The following UNC5A variants were observed in gnomAD, a reference collection of about 807,000 sequenced individuals.
UNC5A encodes the protein unc-5 netrin receptor A.
Under a neutral mutation model 87.4 loss-of-function variants are expected in UNC5A, and 20 were observed. That is an observed-to-expected ratio of 0.23 (90% CI 0.16 to 0.33). The LOEUF is 0.33. Among genes scored for constraint, UNC5A ranks in the 10% least tolerant of loss-of-function variants. The pLI is 1.00. For synonymous variants in UNC5A, 438 were observed against 482.3 expected (o/e 0.91, Z 1.20); for missense variants, 844 against 1,133.4 (o/e 0.74, Z 3.67).
chr5:176,867,915 G>T (rs1310268234), intron 2 of UNC5A, among the ~76,000 whole-genome samples: 1 of 151,870 alleles, frequency 6.6e-6, no homozygotes, highest in Non-Finnish European at 1.5e-5. Flanking sequence ...GCCTTCAGGA[G>T]ATAGAAATCA....
chr5:176,844,505 A>C lies in UNC5A; in HGVS notation c.71-18119A>C, dbSNP rs1757355270. Among the ~76,000 whole-genome samples the C allele has an allele frequency of 6.6e-6, 1 of 152,184 alleles. No individual in the cohort carries two copies. Among genetic ancestry groups the C allele is most frequent in the African/African-American group, 2.4e-5 (1 of 41,446 alleles). On this transcript the variant is annotated intron_variant, in intron 1 of 14. Transcript: ENST00000329542. This position sits in a 1 kb window ranked among gnomAD's most constrained non-coding sequence, Gnocchi z 4.2. ...AGCTGGCCGTGGGCGCCCACTGCAT[A>C]CAGCAGGTTGGTGAGGGAAGGTCTG...
In UNC5A at chr5:176,844,134, C is replaced by T. The variant is rs775327465; in HGVS notation, c.71-18490C>T. Among the ~76,000 whole-genome samples the T allele has an allele frequency of 2.0e-5, 3 of 152,166 alleles. No individual in the cohort carries two copies. The highest frequency in any genetic ancestry group is 2.9e-5 in the Non-Finnish European group (2 of 68,034). On this transcript the variant is annotated intron_variant, in intron 1 of 14. Transcript: ENST00000329542. The surrounding 1 kb of genome is among the most constrained non-coding windows in gnomAD (Gnocchi z 4.2). ...GGAGGGCTGGAGAGAGTTCAGCAAA[C>T]GGGGCTTTTTGAATAAAAGCTGTGA...
In UNC5A at chr5:176,865,404, A is replaced by T; in HGVS notation, c.292+2559A>T. 2.8e-6 allele frequency: 1 copy of T among 353,170 alleles called. No homozygotes were observed. Among genetic ancestry groups the T allele is most frequent in the South Asian group, 2.1e-5 (1 of 47,614 alleles). 21.9% of individuals were successfully genotyped at this position (353,170 alleles called of 1,614,324 possible). On this transcript the variant is annotated intron_variant, in intron 2 of 14. Transcript: ENST00000329542. This position sits in a 1 kb window ranked among gnomAD's most constrained non-coding sequence, Gnocchi z 5.3. The stretch of plus-strand genomic sequence containing the variant: ...CAGTCGCAGGCCCGGGCCGGCACAC[A>T]CACCGGGAGCCCCTGGCCCACACTC...
intron 1 of UNC5A, among the ~76,000 whole-genome samples, chr5:176,832,728 T>A (rs1003797577): frequency 3.3e-5 from 5 of 152,136 alleles, no homozygotes; most frequent in African/African-American, 1.2e-4. Context: ...TGCTGAAGAT[T>A]TTCAATCAGG....
At chr5:176,817,560 G>A (rs1756621326) in intron 1 of UNC5A, among the ~76,000 whole-genome samples, 4 of 148,868 alleles carry the variant, frequency 2.7e-5, no homozygotes, top group Admixed American at 6.7e-5. Flanking sequence ...TTCCAGCACC[G>A]CCCCCCACCC....
chr5:176,850,013 C>T (rs1296436268), intron 1 of UNC5A, among the ~76,000 whole-genome samples: 1 of 152,234 alleles, frequency 6.6e-6, no homozygotes, highest in Non-Finnish European at 1.5e-5. Context: ...CTGGAGGGTG[C>T]ACAGGCTGAC....
intron 1 of UNC5A, among the ~76,000 whole-genome samples, chr5:176,858,769 AGGAAG>A (rs1488390584): frequency 2.9e-5 from 4 of 136,426 alleles, no homozygotes; most frequent in Non-Finnish European, 6.3e-5. Context: ...GAAGGAAGGA[AGGAAG>A]GCAAGCAAGC....
chr5:176,826,434 G>A (rs692713), intron 1 of UNC5A, among the ~76,000 whole-genome samples: 112,561 of 152,186 alleles, frequency 0.74, 49,121 homozygotes, highest in Non-Finnish European at 0.95. Flanking sequence ...ACAGTAACTG[G>A]TAAAATGAGC....
intron 1 of UNC5A, among the ~76,000 whole-genome samples, chr5:176,859,964 A>AT (rs1169167685): frequency 1.3e-5 from 2 of 152,222 alleles, no homozygotes; most frequent in Non-Finnish European, 2.9e-5. Flanking sequence ...CAGTACATTT[A>AT]TTTTTCATTA....
Position 176,810,867 on chromosome 5 carries a change from C to T in UNC5A, c.70+47C>T, listed in dbSNP as rs1248294524. 2.5e-6 allele frequency: 3 copies of T among 1,208,714 alleles called. No homozygotes were observed. In the African/African-American group the frequency reaches 4.7e-5, roughly 19 times the overall value. The allele number at this position is 1,208,714 out of a possible 1,614,324, so 74.9% of individuals were successfully genotyped here. On this transcript the variant is annotated intron_variant, in intron 1 of 14. Transcript: ENST00000329542. The surrounding 1 kb of genome is among the most constrained non-coding windows in gnomAD (Gnocchi z 7.3). ...CTGGGGAGGCTTGCGGGGGACCGTG[C>T]GCGCGAACGCTCGCTGCTCTGGGGG...
chr5:176,826,636 C>CTTTTTTTTTTTTTTTTT (rs34466725), intron 1 of UNC5A, among the ~76,000 whole-genome samples: 1 of 72,744 alleles, frequency 1.4e-5, no homozygotes, highest in Admixed American at 1.9e-4. Flanking sequence ...AGTTTCCAAA[C>CTTTTTTTTTTTTTTTTT]TTTTTTTTTT....
intron 1 of UNC5A, among the ~76,000 whole-genome samples, chr5:176,858,198 C>T (rs1757713578): frequency 1.3e-5 from 2 of 152,206 alleles, no homozygotes; most frequent in South Asian, 2.1e-4. Flanking sequence ...GCCTGCTTCT[C>T]CTGTGACAAC....
intron 1 of UNC5A, among the ~76,000 whole-genome samples, chr5:176,832,799 G>A (rs1757060504): frequency 6.6e-6 from 1 of 152,158 alleles, no homozygotes; most frequent in African/African-American, 2.4e-5. Flanking sequence ...AAGCTGGTTG[G>A]GCAAGAGGGA....
chr5:176,877,608 C>T lies in UNC5A; in HGVS notation c.1540C>T (p.Arg514Trp), dbSNP rs749730825. The stretch of plus-strand genomic sequence containing the variant: ...TGGACCCCCTGGCGTCCTGCTCACC[C>T]GGCCAGTCATCCTGGCTATGGACCA... ...SCGPPGVLLT[R>W]PVILAMDHCG... The change falls in exon 10 of 15, where the codon CGG (arginine) becomes TGG (tryptophan). Residue 514 changes from arginine (R) to tryptophan (W), a missense_variant. Physicochemically the swap from Arg to Trp is moderately radical, Grantham distance 101. This residue lies in a region of UNC5A where 353 missense variants were observed against 387.5 expected (regional missense o/e 0.91). Coordinates refer to ENST00000329542, the MANE Select transcript of UNC5A (RefSeq NM_133369.3). 2.7e-5 allele frequency: 44 copies of T among 1,612,422 alleles called. No homozygotes were observed. Among genetic ancestry groups the T allele is most frequent in the Non-Finnish European group, 3.6e-5 (42 of 1,179,642 alleles).
intron 8 of UNC5A, among the ~76,000 whole-genome samples, chr5:176,876,727 TGG>T (rs934355674): frequency 1.3e-4 from 19 of 151,978 alleles, no homozygotes; most frequent in African/African-American, 4.6e-4. Flanking sequence ...GGGAGGGCAG[TGG>T]GGGCTCAGGC....
intron 1 of UNC5A, among the ~76,000 whole-genome samples, chr5:176,843,804 G>A (rs1000740170): frequency 6.6e-5 from 10 of 152,300 alleles, no homozygotes; most frequent in Admixed American, 2.6e-4. Flanking sequence ...GGCTGGGCCC[G>A]GCCGTGGTGT....
intron 1 of UNC5A, among the ~76,000 whole-genome samples, chr5:176,811,591 C>T (rs543579511): frequency 1.9e-5 from 2 of 102,860 alleles, no homozygotes; most frequent in African/African-American, 6.3e-5. Flanking sequence ...CCTCAGCCCA[C>T]CTCATTCCCT....
Position 176,810,790 on chromosome 5 carries a change from A to C in UNC5A, c.40A>C (p.Ile14Leu), listed in dbSNP as rs1316596072. The C allele has an allele frequency of 5.8e-6, 7 of 1,205,732 alleles. No individual in the cohort carries two copies. Among genetic ancestry groups the C allele is most frequent in the Non-Finnish European group, 3.1e-6 (3 of 972,120 alleles). The allele number at this position is 1,205,732 out of a possible 1,614,324, so 74.7% of individuals were successfully genotyped here. Reference protein sequence around the residue: ...RPGLWPALLGIVLAAWLRGSG... With the variant: ...RPGLWPALLGLVLAAWLRGSG... ...CGGCCTGTGGCCAGCGCTCCTGGGC[A>C]TAGTCCTCGCCGCTTGGCTCCGCGG... Residue 14 changes from isoleucine to leucine, a missense_variant, in exon 1 of 15, where the codon ATA (isoleucine) becomes CTA (leucine). Around this residue, in one of 3 missense-constraint regions of UNC5A, gnomAD observed 314 missense variants for 466.5 expected, o/e 0.67. Transcript: ENST00000329542. The surrounding 1 kb of genome is among the most constrained non-coding windows in gnomAD (Gnocchi z 7.3).
chr5:176,829,198 ATGGATGGT>A (rs202172534), intron 1 of UNC5A, among the ~76,000 whole-genome samples: 1 of 22,956 alleles, frequency 4.4e-5, no homozygotes, highest in South Asian at 4.1e-3. Flanking sequence ...GGATGGATGG[ATGGATGGT>A]TGGATGGATG....
Sources: gnomAD v4.1 joint callset for allele counts (sites outside exome capture counted in the v4.1 genomes callset) on GRCh38, gnomAD v4.1.1 for gene constraint, gnomAD v4.1.1 regional missense constraint, Gnocchi (gnomAD v3.1) non-coding constraint, MANE v1.5 for transcripts, NCBI Gene and HGNC (gene_info 2026-07-23, HGNC 2026-07-21) for gene names.